C6: variants seen among roughly 807,000 people sequenced by gnomAD.
C6 encodes the protein complement component C6.
In C6, 101 loss-of-function variants were observed where a neutral mutation model predicts 112.9. The ratio of observed to expected loss-of-function variants is 0.89; its 90% CI spans 0.76 to 1.06. The LOEUF is 1.06. Among genes scored for constraint, C6 ranks in the 50% least tolerant of loss-of-function variants. C6 has a pLI of 0.00. For missense variants in C6, 1,202 were observed against 1,104.6 expected, an observed-to-expected ratio of 1.09 and a Z score of -1.25; for synonymous variants, 431 against 384.1, an observed-to-expected ratio of 1.12 and a Z score of -1.43.
chr5:41,172,613 A>T, intron 8 of C6: 1 of 523,490 alleles, frequency 1.9e-6, no homozygotes, highest in African/African-American at 1.9e-5. Context: ...CATATGAGCC[A>T]TTTTGGCCCT....
chr5:41,146,184 C>T lies in C6; in HGVS notation c.2623+3057G>A, dbSNP rs369830078. Among the ~76,000 whole-genome samples, 8 of 152,216 alleles carry T rather than the reference C, an allele frequency of 5.3e-5. No individual in the cohort carries two copies. The East Asian group carries it at 5.8e-4, about 11-fold the overall frequency. ...GGCTGAAAAAATTTCCCGTTCCTGT[C>T]GGTTGGTGGTAGATATTTCTGAAAT... On this transcript the variant is annotated intron_variant, in intron 17 of 17. Coordinates refer to ENST00000337836, the MANE Select transcript of C6 (RefSeq NM_000065.5).
At chr5:41,251,634 C>T (rs1741369165) in intron 1 of C6, among the ~76,000 whole-genome samples, 1 of 152,202 alleles carries the variant, frequency 6.6e-6, no homozygotes, top group South Asian at 2.1e-4. Flanking sequence ...TAAGAAGTTT[C>T]TCCCAAGTTA....
rs1749754414 is a variant in C6, at chr5:41,186,176, TCTC to T, written c.617_619del (p.Gly206del). On this transcript the variant is annotated inframe_deletion, in exon 6 of 18. Transcript: ENST00000337836. ...TCCAGTGAAAGAGTTATCAAGGACT[TCTC>T]CTCTGGGCTCTCCTGCCAGAAAATG... 1 of 1,613,880 alleles carries T rather than the reference TCTC, an allele frequency of 6.2e-7. No individual in the cohort carries two copies.
At chr5:41,198,266 A>G (rs1344231127) in intron 4 of C6, among the ~76,000 whole-genome samples, 1 of 152,188 alleles carries the variant, frequency 6.6e-6, no homozygotes, top group Non-Finnish European at 1.5e-5. Flanking sequence ...AGAGCCAAGT[A>G]TCATCTTGAG....
rs1039166221 is a variant in C6 at position 41,168,302 on chromosome 5, G to A, written c.1291+3923C>T. Reference sequence around the variant, plus strand: ...AATGGCTACCAAGAGGTGGAAGTGGGCCAGCCAAAGCAAAAATGGCCTAGT... The same window carrying A: ...AATGGCTACCAAGAGGTGGAAGTGGACCAGCCAAAGCAAAAATGGCCTAGT... On this transcript the variant is annotated intron_variant, in intron 9 of 17. Transcript: ENST00000337836. Among the ~76,000 whole-genome samples the A allele has an allele frequency of 7.2e-5, 11 of 152,180 alleles. No individual in the cohort carries two copies. The East Asian group carries it at 2.1e-3, about 29-fold the overall frequency.
chr5:41,224,325 G>A (rs1239257703), intron 1 of C6, among the ~76,000 whole-genome samples: 1 of 152,102 alleles, frequency 6.6e-6, no homozygotes, highest in African/African-American at 2.4e-5. Context: ...GAGATGTGCA[G>A]CCAGCACCAC....
At chr5:41,143,573 C>T (rs985927338) in intron 17 of C6, among the ~76,000 whole-genome samples, 2 of 152,006 alleles carry the variant, frequency 1.3e-5, no homozygotes, top group East Asian at 1.9e-4. Context: ...TTTTTTGAAC[C>T]CTTACAGCAA....
At chr5:41,253,789 A>G (rs1453463027) in intron 1 of C6, among the ~76,000 whole-genome samples, 1 of 152,176 alleles carries the variant, frequency 6.6e-6, no homozygotes, top group East Asian at 1.9e-4. Flanking sequence ...AAAATATGGT[A>G]TTTTTATTGT....
rs780937343 is a variant in C6, at chr5:41,260,775, C to CA, written c.-21+418dup. Among the ~76,000 whole-genome samples the CA allele has an allele frequency of 9.6e-3, 1,278 of 132,812 alleles. 10 individuals are homozygous for CA. The highest frequency in any genetic ancestry group is 0.011 in the Middle Eastern group (3 of 268). The allele number at this position is 132,812 out of a possible 152,430, so 87.1% of individuals were successfully genotyped here. Reference sequence around the variant, plus strand: ...GGGCAACAAGAGTGAAACTCCATCTCAAAAAAAAAAACAAAACAAAAACAA... The same window carrying CA: ...GGGCAACAAGAGTGAAACTCCATCTCAAAAAAAAAAAACAAAACAAAAACAA... On this transcript the variant is annotated intron_variant, in intron 1 of 17. Coordinates refer to the C6 transcript ENST00000263413.
chr5:41,166,066 T>TA lies in C6; in HGVS notation c.1292-4208dup, dbSNP rs552409828. ...AAAACTGCATAGTATATCAGCTTCTTAAAAAACTACAATGTTCTTTATAAT... is the reference window on the plus strand; with the variant it reads ...AAAACTGCATAGTATATCAGCTTCTTAAAAAAACTACAATGTTCTTTATAAT... On this transcript the variant is annotated intron_variant, in intron 9 of 17. Coordinates refer to ENST00000337836, the MANE Select transcript of C6 (RefSeq NM_000065.5). Among the ~76,000 whole-genome samples, 601 of 152,242 alleles carry TA rather than the reference T, an allele frequency of 3.9e-3. 6 individuals are homozygous for TA. Among genetic ancestry groups the TA allele is most frequent in the African/African-American group, 0.013 (550 of 41,574 alleles).
intron 1 of C6, among the ~76,000 whole-genome samples, chr5:41,257,785 C>A (rs1430358386): frequency 6.6e-6 from 1 of 152,122 alleles, no homozygotes; most frequent in Non-Finnish European, 1.5e-5. Context: ...TCCCAGCCCC[C>A]TCATGCTGAA....
At position 41,201,587 on chromosome 5, in the gene C6, AC is replaced by A. The variant is rs1227300046; in HGVS notation, c.270del (p.Trp90CysfsTer33). 1.2e-6 allele frequency: 2 copies of A among 1,613,542 alleles called. No individual in the cohort carries two copies. The highest frequency in any genetic ancestry group is 1.7e-6 in the Non-Finnish European group (2 of 1,179,904). On this transcript the variant is annotated frameshift_variant, in exon 3 of 18. Transcript: ENST00000337836. LOFTEE classifies it high-confidence loss of function. The stretch of plus-strand genomic sequence containing the variant: ...TTTTCAATACAAGGGTCACAGTCTG[AC>A]CATGGTCCAAAATCTCCCAGGAGGC... Reference protein sequence around the residue: ...INCLLGDFGPWSDCDPCIEKQ... With the variant: ...INCLLGDFGPXSDCDPCIEKQ...
rs1032618049 is a variant in C6 at position 41,195,782 on chromosome 5, T to C, written c.587+10A>G. The C allele has an allele frequency of 9.3e-6, 15 of 1,613,018 alleles. No individual in the cohort carries two copies. The highest frequency in any genetic ancestry group is 1.3e-5 in the Non-Finnish European group (15 of 1,179,738). On this transcript the variant is annotated intron_variant, in intron 5 of 17. Coordinates refer to ENST00000337836, the MANE Select transcript of C6 (RefSeq NM_000065.5). ...TGTTCTCCCCAAGATGATAAAAAGA[T>C]GTTACATACCCATTGCCCATCAACT...
At chr5:41,239,111 C>CTTTTTTTTT (rs34322889) in intron 1 of C6, among the ~76,000 whole-genome samples, 8 of 121,676 alleles carry the variant, frequency 6.6e-5, no homozygotes, top group African/African-American at 9.2e-5. Flanking sequence ...TCTTTTCTTT[C>CTTTTTTTTT]TTTTTTTTTT....
At chr5:41,180,125 C>T (rs1275761160) in intron 7 of C6, among the ~76,000 whole-genome samples, 1 of 152,140 alleles carries the variant, frequency 6.6e-6, no homozygotes, top group Non-Finnish European at 1.5e-5. Flanking sequence ...ACTATCCACA[C>T]AGTGCTTTAG....
At chr5:41,185,767 A>G (rs533440379) in intron 6 of C6, among the ~76,000 whole-genome samples, 1 of 152,324 alleles carries the variant, frequency 6.6e-6, no homozygotes, top group East Asian at 1.9e-4. Flanking sequence ...GAGCTATTTT[A>G]GAGCTGAATA....
At chr5:41,181,910 T>G (rs2150324333) in intron 6 of C6, among the ~76,000 whole-genome samples, 1 of 152,320 alleles carries the variant, frequency 6.6e-6, no homozygotes, top group South Asian at 2.1e-4. Flanking sequence ...TTTTAGCATG[T>G]CTGTGATTTT....
intron 5 of C6, among the ~76,000 whole-genome samples, 157 bp downstream of exon 5, chr5:41,195,635 A>G (rs1417801879): frequency 6.6e-6 from 1 of 152,240 alleles, no homozygotes; most frequent in Non-Finnish European, 1.5e-5. Context: ...TCATGGCCAC[A>G]TACCTCCTGA....
In C6 at chr5:41,142,917, T is replaced by G; in HGVS notation, c.2713A>C (p.Ser905Arg). Residue 905 changes from serine to arginine, a missense_variant, in exon 18 of 18, where the codon AGT (serine) becomes CGT (arginine). By Grantham distance (110) the Ser-to-Arg change is moderately radical. Coordinates refer to ENST00000337836, the MANE Select transcript of C6 (RefSeq NM_000065.5). ...LYCVKMGSSTSEKTLNICEVG... is the reference protein window; with the variant it reads ...LYCVKMGSSTREKTLNICEVG... ...TCACAGATGTTCAATGTTTTCTCAC[T>G]TGTTGATGATCCCATTTTGACACAG... is the stretch of plus-strand genomic sequence containing the variant. 6.2e-7 allele frequency: 1 copy of G among 1,613,566 alleles called. No individual in the cohort carries two copies. Among genetic ancestry groups the G allele is most frequent in the Non-Finnish European group, 8.5e-7 (1 of 1,179,654 alleles).
Sources: allele counts gnomAD v4.1 joint callset (sites outside exome capture counted in the v4.1 genomes callset), GRCh38; gene constraint gnomAD v4.1.1; transcripts MANE v1.5; gene names NCBI Gene and HGNC (gene_info 2026-07-23, HGNC 2026-07-21).